NOS1AP: variants seen among roughly 807,000 people sequenced by gnomAD.
The protein encoded by NOS1AP is carboxyl-terminal PDZ ligand of neuronal nitric oxide synthase protein.
A neutral mutation model predicts 56.2 loss-of-function variants in NOS1AP; 21 were observed. That is an observed-to-expected ratio of 0.37 (90% CI 0.26 to 0.54). NOS1AP has a LOEUF of 0.54. NOS1AP is among the 20% of genes least tolerant of loss of function. The pLI is 0.84. For missense variants in NOS1AP, 522 were observed against 657.8 expected (o/e 0.79, Z 2.26); for synonymous variants, 270 against 274.6 (o/e 0.98, Z 0.17).
At chr1:162,344,945 A>G (rs974519991) in intron 6 of NOS1AP, among the ~76,000 whole-genome samples, 2 of 152,168 alleles carry the variant, frequency 1.3e-5, no homozygotes, top group Admixed American at 1.3e-4. Flanking sequence ...TAGAAGTCAT[A>G]GTGGAGGAAA....
At chr1:162,284,036 T>C (rs12030361) in intron 2 of NOS1AP, among the ~76,000 whole-genome samples, 45,670 of 152,060 alleles carry the variant, frequency 0.3, 7,320 homozygotes, top group East Asian at 0.59. Flanking sequence ...CCTCCAGAGC[T>C]CACCTGCCCA....
chr1:162,105,554 A>G (rs888589012), intron 1 of NOS1AP, among the ~76,000 whole-genome samples: 5 of 152,106 alleles, frequency 3.3e-5, no homozygotes, highest in Non-Finnish European at 7.4e-5. Flanking sequence ...TCCCCCTGGG[A>G]GCTTTGTAGT....
chr1:162,261,509 A>AAGAGAG lies in NOS1AP; in HGVS notation c.178-25835_178-25834insAGAGAG, dbSNP rs1553200080. Among the ~76,000 whole-genome samples the AAGAGAG allele has an allele frequency of 5.9e-4, 9 of 15,164 alleles. 2 individuals carry two copies. The highest frequency in any genetic ancestry group is 2.3e-3 in the African/African-American group (8 of 3,554). 9.9% of individuals were successfully genotyped at this position (15,164 alleles called of 152,430 possible). ...GAGAGAGAGAGAGAGAGAGAGAGAG[A>AAGAGAG]GAGAGAGAGAGAGAGAGAGAGAGAG... On this transcript the variant is annotated intron_variant, in intron 2 of 9. Coordinates refer to ENST00000361897, the MANE Select transcript of NOS1AP (RefSeq NM_014697.3).
chr1:162,155,279 CACATATATACATAT>C (rs1649903273), intron 2 of NOS1AP, among the ~76,000 whole-genome samples: 3 of 136,606 alleles, frequency 2.2e-5, no homozygotes, highest in African/African-American at 2.7e-5. Context: ...CATACATATA[CACATATATACATAT>C]ATATGTATAT....
chr1:162,092,477 T>G (rs1692157291), intron 1 of NOS1AP, among the ~76,000 whole-genome samples: 1 of 152,200 alleles, frequency 6.6e-6, no homozygotes, highest in Non-Finnish European at 1.5e-5. Flanking sequence ...CCAAGAAAAG[T>G]GTTTCTCTGA....
chr1:162,313,385 G>A (rs73021456), intron 4 of NOS1AP, among the ~76,000 whole-genome samples: 4,767 of 152,244 alleles, frequency 0.031, 248 homozygotes, highest in African/African-American at 0.11. Flanking sequence ...TGCTCCATAT[G>A]CAAATATATT....
At chr1:162,099,277 T>C (rs535556126) in intron 1 of NOS1AP, among the ~76,000 whole-genome samples, 49 of 151,482 alleles carry the variant, frequency 3.2e-4, no homozygotes, top group African/African-American at 1.2e-3. Context: ...AAGCTCCGCC[T>C]CGCGGGTTCA....
intron 6 of NOS1AP, among the ~76,000 whole-genome samples, chr1:162,344,266 C>G (rs891964965): frequency 6.6e-6 from 1 of 152,016 alleles, no homozygotes; most frequent in Non-Finnish European, 1.5e-5. Context: ...AAAAAAGCAC[C>G]CCCATAAAAC....
chr1:162,175,416 A>T (rs1232176146), intron 2 of NOS1AP, among the ~76,000 whole-genome samples: 1 of 152,166 alleles, frequency 6.6e-6, no homozygotes, highest in African/African-American at 2.4e-5. Flanking sequence ...AAATTGTTTT[A>T]ATGTGGCTGC....
At chr1:162,342,088 G>A (rs563992584) in intron 5 of NOS1AP, among the ~76,000 whole-genome samples, 19 of 152,326 alleles carry the variant, frequency 1.2e-4, no homozygotes, top group Non-Finnish European at 2.4e-4. Flanking sequence ...GGACACAGGA[G>A]GAAATTAAGG....
chr1:162,300,766 C>T lies in NOS1AP; in HGVS notation c.344+60C>T, dbSNP rs997646573. The T allele has an allele frequency of 2.1e-5, 30 of 1,451,714 alleles. No individual in the cohort carries two copies. The African/African-American group carries it at 4.2e-4, about 20-fold the overall frequency. 89.9% of individuals were successfully genotyped at this position (1,451,714 alleles called of 1,614,324 possible). On this transcript the variant is annotated intron_variant, in intron 4 of 9. Coordinates refer to ENST00000361897, the MANE Select transcript of NOS1AP (RefSeq NM_014697.3). ...AGCCCCAGAGTCCTCCTGCCCCCTA[C>T]AGCCACCTGTCAGGCTGGTGGATCC... is the stretch of plus-strand genomic sequence containing the variant.
At chr1:162,327,560 A>G (rs1402745252) in intron 4 of NOS1AP, among the ~76,000 whole-genome samples, 2 of 152,234 alleles carry the variant, frequency 1.3e-5, no homozygotes, top group Non-Finnish European at 1.5e-5. Flanking sequence ...AAAGGAAATC[A>G]TGAACACTGA....
intron 1 of NOS1AP, among the ~76,000 whole-genome samples, chr1:162,114,081 G>T (rs537449190): frequency 6.6e-6 from 1 of 152,270 alleles, no homozygotes; most frequent in East Asian, 1.9e-4. Flanking sequence ...GTTTAAGGTG[G>T]CACAGTGTTT....
In NOS1AP at chr1:162,269,422, C is replaced by T. The variant is rs141457924; in HGVS notation, c.178-17922C>T. On this transcript the variant is annotated intron_variant, in intron 2 of 9. Transcript: ENST00000361897. The stretch of plus-strand genomic sequence containing the variant: ...TGAAAAGTAACTTTAATTTAAGAAA[C>T]GGATAATGGCTGATATCTTGGAAAT... 5.9e-4 allele frequency among the ~76,000 whole-genome samples: 89 copies of T among 152,092 alleles called. No homozygotes were observed. The East Asian group carries it at 7.5e-3, about 13-fold the overall frequency.
Position 162,351,620 on chromosome 1 carries a change from A to C in NOS1AP, c.596-3567A>C, listed in dbSNP as rs1657497654. Among the ~76,000 whole-genome samples the C allele has an allele frequency of 2.0e-5, 3 of 152,234 alleles. No individual in the cohort carries two copies. In the South Asian group the frequency reaches 6.2e-4, roughly 32 times the overall value. ...ATCTCATGCTCCTGAATCTTCACCC[A>C]AATTATCTGCTATTGCTGACTTGCC... On this transcript the variant is annotated intron_variant, in intron 6 of 9. Transcript: ENST00000361897.
intron 2 of NOS1AP, among the ~76,000 whole-genome samples, chr1:162,266,088 C>T (rs561233691): frequency 8.5e-5 from 13 of 152,120 alleles, no homozygotes; most frequent in Non-Finnish European, 1.5e-4. Context: ...CTATTTTTGT[C>T]CCATTGGCTA....
intron 8 of NOS1AP, chr1:162,360,975 G>C: frequency 2.2e-6 from 1 of 454,914 alleles, no homozygotes; most frequent in South Asian, 1.6e-5. Flanking sequence ...GGCTGGGTGG[G>C]TTGAGGGTGG....
intron 2 of NOS1AP, among the ~76,000 whole-genome samples, chr1:162,177,596 C>T (rs948845104): frequency 6.6e-6 from 1 of 152,090 alleles, no homozygotes; most frequent in Non-Finnish European, 1.5e-5. Context: ...AGTTTGCCTA[C>T]TCTTTTTATT....
intron 3 of NOS1AP, among the ~76,000 whole-genome samples, chr1:162,294,328 C>T (rs1043624945): frequency 1.3e-5 from 2 of 152,120 alleles, no homozygotes; most frequent in East Asian, 3.9e-4. Flanking sequence ...AGTTGTCTGT[C>T]GGGATCCCCA....
Sources: gnomAD v4.1 joint callset for allele counts (sites outside exome capture counted in the v4.1 genomes callset) on GRCh38, gnomAD v4.1.1 for gene constraint, MANE v1.5 for transcripts, NCBI Gene and HGNC (gene_info 2026-07-23, HGNC 2026-07-21) for gene names.